The following SLC9C1 variants were observed in gnomAD, a reference collection of about 807,000 sequenced individuals.
SLC9C1 encodes sodium/hydrogen exchanger 10.
In SLC9C1, 97 loss-of-function variants were observed where a neutral mutation model predicts 140.9. That is an observed-to-expected ratio of 0.69 (90% CI 0.58 to 0.82). The LOEUF is 0.82. Ranked by LOEUF, SLC9C1 falls within the 40% of genes least tolerant of loss-of-function variation. The pLI is 0.00. For missense variants in SLC9C1, 1,340 were observed against 1,389.3 expected (o/e 0.96, Z 0.56); for synonymous variants, 440 against 442.6 (o/e 0.99, Z 0.07).
intron 26 of SLC9C1, among the ~76,000 whole-genome samples, chr3:112,164,739 CAATT>C (rs1335260276): frequency 1.2e-4 from 18 of 151,898 alleles, no homozygotes; most frequent in African/African-American, 4.1e-4. Flanking sequence ...GTGAATCTGA[CAATT>C]ATGTGTCTTG....
At chr3:112,216,094 A>G (rs2108099468) in intron 15 of SLC9C1, among the ~76,000 whole-genome samples, 1 of 152,344 alleles carries the variant, frequency 6.6e-6, no homozygotes, top group East Asian at 1.9e-4. Context: ...TGAGAAAAAC[A>G]AGAAATGGGG....
chr3:112,251,888 C>A (rs2079469243), intron 10 of SLC9C1, among the ~76,000 whole-genome samples: 2 of 152,188 alleles, frequency 1.3e-5, no homozygotes, highest in Non-Finnish European at 2.9e-5. Context: ...GGTCAGCCCC[C>A]TGAATCATCT....
intron 26 of SLC9C1, among the ~76,000 whole-genome samples, chr3:112,156,186 C>T (rs956052192): frequency 2.0e-5 from 3 of 152,118 alleles, no homozygotes; most frequent in African/African-American, 4.8e-5. Context: ...TGATAACTAT[C>T]ATGGTACTCT....
intron 3 of SLC9C1, among the ~76,000 whole-genome samples, chr3:112,280,026 C>T (rs763767446): frequency 2.0e-5 from 3 of 152,192 alleles, no homozygotes; most frequent in Admixed American, 6.5e-5. Context: ...GTGTCAAAAT[C>T]ATATGATTAC....
intron 23 of SLC9C1, among the ~76,000 whole-genome samples, chr3:112,178,880 T>C (rs2077388091): frequency 6.6e-6 from 1 of 152,220 alleles, no homozygotes; most frequent in South Asian, 2.1e-4. Context: ...ATATAGAATT[T>C]TTCCCAATTA....
intron 2 of SLC9C1, among the ~76,000 whole-genome samples, chr3:112,281,754 G>A (rs1576519846): frequency 6.6e-6 from 1 of 152,122 alleles, no homozygotes; most frequent in Non-Finnish European, 1.5e-5. Flanking sequence ...TTTGAAAAGA[G>A]TAATATGAAT....
chr3:112,145,438 C>T (rs561925323), intron 28 of SLC9C1, among the ~76,000 whole-genome samples: 3 of 151,996 alleles, frequency 2.0e-5, no homozygotes, highest in African/African-American at 7.2e-5. Flanking sequence ...TGTGTTTTGC[C>T]AGGTTTTGAT....
At chr3:112,155,393 C>T (rs1255177426) in intron 26 of SLC9C1, among the ~76,000 whole-genome samples, 1 of 152,118 alleles carries the variant, frequency 6.6e-6, no homozygotes, top group Non-Finnish European at 1.5e-5. Flanking sequence ...AATTAAGATC[C>T]ATGTCTTCTA....
chr3:112,230,402 G>A (rs2078789187), intron 13 of SLC9C1, among the ~76,000 whole-genome samples: 1 of 152,128 alleles, frequency 6.6e-6, no homozygotes, highest in Non-Finnish European at 1.5e-5. Flanking sequence ...TGCTACCTCT[G>A]TGTTAACTTA....
intron 12 of SLC9C1, among the ~76,000 whole-genome samples, chr3:112,234,575 T>A (rs1367931204): frequency 6.6e-6 from 1 of 152,206 alleles, no homozygotes; most frequent in Non-Finnish European, 1.5e-5. Flanking sequence ...TGAATGGTAT[T>A]GCCTAGGTTT....
chr3:112,180,249 C>A (rs1461194105), intron 22 of SLC9C1, among the ~76,000 whole-genome samples: 1 of 152,222 alleles, frequency 6.6e-6, no homozygotes, highest in Admixed American at 6.5e-5. Flanking sequence ...TGGTCAGGCG[C>A]AGTGGCTCAC....
chr3:112,217,445 G>T lies in SLC9C1; in HGVS notation c.1787C>A (p.Ser596Ter). ...YNTRKEKEGP[S>*]KYFFFRICHT... ...TATAAGGTTCAAAAGCACTTACTTT[G>T]ATGGGCCCTCTTTTTCCTTTCTGGT... Residue 596 changes from serine to a stop codon, truncating the protein, a stop_gained, in exon 15 of 29, where the codon TCA becomes TAA. Coordinates refer to ENST00000305815, the MANE Select transcript of SLC9C1 (RefSeq NM_183061.3). LOFTEE classifies it high-confidence loss of function. The T allele has an allele frequency of 6.3e-7, 1 of 1,584,406 alleles. No individual in the cohort carries two copies. Among genetic ancestry groups the T allele is most frequent in the Non-Finnish European group, 8.5e-7 (1 of 1,171,400 alleles).
chr3:112,215,510 G>T (rs2078335501), intron 15 of SLC9C1, among the ~76,000 whole-genome samples: 1 of 152,066 alleles, frequency 6.6e-6, no homozygotes, highest in African/African-American at 2.4e-5. Flanking sequence ...CTTCAGCAAA[G>T]TCCCAGGATA....
In SLC9C1 at chr3:112,286,807, T is replaced by G. The variant is rs772710087; in HGVS notation, c.-16A>C. ...TTCCAGCCATGTTTCAGAAAAATTT[T>G]TATGCAGATTTATGTTAGAAGCAAT... On this transcript the variant is annotated 5_prime_UTR_variant, in exon 2 of 29. Transcript: ENST00000305815. 5.1e-6 allele frequency: 8 copies of G among 1,569,642 alleles called. No individual in the cohort carries two copies. The highest frequency in any genetic ancestry group is 7.0e-6 in the Non-Finnish European group (8 of 1,142,572).
At chr3:112,255,283 T>A (rs1253299906) in intron 10 of SLC9C1, among the ~76,000 whole-genome samples, 5 of 152,102 alleles carry the variant, frequency 3.3e-5, no homozygotes, top group Non-Finnish European at 7.4e-5. Context: ...AGAATATACA[T>A]TCTTCTCATC....
chr3:112,166,899 A>G (rs996991099), intron 26 of SLC9C1, among the ~76,000 whole-genome samples: 1 of 152,278 alleles, frequency 6.6e-6, no homozygotes, highest in South Asian at 2.1e-4. Context: ...TTTGTTGTTC[A>G]GACAGTACAA....
At chr3:112,256,130 G>T (rs1218047170) in intron 10 of SLC9C1, among the ~76,000 whole-genome samples, 5 of 151,940 alleles carry the variant, frequency 3.3e-5, no homozygotes, top group South Asian at 2.1e-4. Context: ...AAATTTGCAG[G>T]CTAATTCTAC....
chr3:112,257,770 A>G (rs2079650526), intron 10 of SLC9C1, among the ~76,000 whole-genome samples: 1 of 152,208 alleles, frequency 6.6e-6, no homozygotes, highest in Non-Finnish European at 1.5e-5. Context: ...TAAAACCTAC[A>G]GAATGGGAGA....
chr3:112,249,583 A>G (rs9856671), intron 10 of SLC9C1, among the ~76,000 whole-genome samples: 89,932 of 151,880 alleles, frequency 0.59, 27,130 homozygotes, highest in East Asian at 0.79. Flanking sequence ...GGCTTTTTCT[A>G]GTTGGTAGGT....
Sources: allele counts gnomAD v4.1 joint callset (sites outside exome capture counted in the v4.1 genomes callset), GRCh38; gene constraint gnomAD v4.1.1; transcripts MANE v1.5; gene names NCBI Gene and HGNC (gene_info 2026-07-23, HGNC 2026-07-21).